TNFRSF11A: variants seen among roughly 807,000 people sequenced by gnomAD.
The protein encoded by TNFRSF11A is TNF receptor superfamily member 11a.
TNFRSF11A carries 32 observed loss-of-function variants against 55.7 expected under a neutral mutation model. That is an observed-to-expected ratio of 0.57 (90% CI 0.43 to 0.77). The LOEUF (loss-of-function observed/expected upper bound fraction) is 0.77, where lower values mean the gene tolerates loss of function less well. TNFRSF11A is among the 30% of genes least tolerant of loss of function. The pLI is 0.00. For missense variants in TNFRSF11A, 753 were observed against 809.8 expected (o/e 0.93, Z 0.85); for synonymous variants, 311 against 331.0 (o/e 0.94, Z 0.65).
chr18:62,369,530 C>T, intron 9 of TNFRSF11A, 46 bp downstream of exon 9: 1 of 1,596,440 alleles, frequency 6.3e-7, no homozygotes, highest in South Asian at 1.1e-5. Context: ...AGGGCCAGTT[C>T]TTGGTACAGG....
Position 62,359,945 on chromosome 18 carries a change from T to G in TNFRSF11A, c.522-10T>G. The G allele has an allele frequency of 1.2e-6, 2 of 1,612,640 alleles. No individual in the cohort carries two copies. The highest frequency in any genetic ancestry group is 1.7e-6 in the Non-Finnish European group (2 of 1,178,790). On this transcript the variant is annotated splice_polypyrimidine_tract_variant and intron_variant, in intron 5 of 9. Transcript: ENST00000586569. ...AAAACCAAAGCACTGAACCACCTTTTCCCCCACAGCTGTACCTTCCTTGGA... is the reference window on the plus strand; with the variant it reads ...AAAACCAAAGCACTGAACCACCTTTGCCCCCACAGCTGTACCTTCCTTGGA...
chr18:62,348,352 GT>G (rs2046416166), intron 2 of TNFRSF11A, 103 bp downstream of exon 2: 1 of 967,934 alleles, frequency 1.0e-6, no homozygotes, highest in Admixed American at 2.0e-5. Flanking sequence ...GGATAGACGC[GT>G]TATGGTAGTG....
chr18:62,358,017 C>A lies in TNFRSF11A; in HGVS notation c.428-231C>A, dbSNP rs1011533147. On this transcript the variant is annotated intron_variant, in intron 4 of 9. Transcript: ENST00000586569. ...GCCTGACATCAAGTCAGTTACCTTT[C>A]TGAGCGTGGTTCCATAACTCACTGC... is the stretch of plus-strand genomic sequence containing the variant. The A allele has an allele frequency of 2.1e-5, 11 of 535,320 alleles. 1 individual carries two copies. In the East Asian group the frequency reaches 3.6e-4, roughly 17 times the overall value. 33.2% of individuals were successfully genotyped at this position (535,320 alleles called of 1,614,324 possible).
At chr18:62,379,478 A>G (rs1911117373) in intron 9 of TNFRSF11A, among the ~76,000 whole-genome samples, 1 of 152,182 alleles carries the variant, frequency 6.6e-6, no homozygotes, top group African/African-American at 2.4e-5. Context: ...GAGTTTGATA[A>G]TCATGATTAT....
At chr18:62,330,371 C>G (rs1287791277) in intron 1 of TNFRSF11A, among the ~76,000 whole-genome samples, 2 of 152,178 alleles carry the variant, frequency 1.3e-5, no homozygotes, top group Admixed American at 6.5e-5. Flanking sequence ...AGCTCTTAGG[C>G]TGGGGGTTCC....
chr18:62,385,310 T>A lies in TNFRSF11A; in HGVS notation c.*276T>A. On this transcript the variant is annotated 3_prime_UTR_variant, in exon 10 of 10. Transcript: ENST00000586569. ...AACTCGCAGCAGTAATTTGTGGCAC[T>A]ATGACAGCTATTTTTATGACTATCC... 4 of 285,584 alleles carry A rather than the reference T, an allele frequency of 1.4e-5. No homozygotes were observed. The highest frequency in any genetic ancestry group is 1.9e-5 in the Non-Finnish European group (3 of 158,066). The allele number at this position is 285,584 out of a possible 1,614,324, so 17.7% of individuals were successfully genotyped here.
intron 2 of TNFRSF11A, 82 bp downstream of exon 2, chr18:62,348,331 A>G: frequency 1.5e-6 from 2 of 1,314,996 alleles, no homozygotes; most frequent in Non-Finnish European, 2.2e-6. Context: ...GCCAGATGAA[A>G]AAAAGAAATT....
At chr18:62,365,536 A>G (rs1357592349) in intron 7 of TNFRSF11A, among the ~76,000 whole-genome samples, 2 of 152,172 alleles carry the variant, frequency 1.3e-5, no homozygotes, top group Non-Finnish European at 2.9e-5. Context: ...TCACTTTTAT[A>G]GTACATTCAA....
chr18:62,354,026 G>A (rs1381672497), intron 3 of TNFRSF11A, among the ~76,000 whole-genome samples: 2 of 152,134 alleles, frequency 1.3e-5, no homozygotes, highest in Non-Finnish European at 2.9e-5. Context: ...TTATACATAT[G>A]GCATTTGAAT....
At chr18:62,378,601 ACT>A (rs1213674462) in intron 9 of TNFRSF11A, among the ~76,000 whole-genome samples, 11 of 151,778 alleles carry the variant, frequency 7.2e-5, no homozygotes, top group Admixed American at 3.3e-4. Context: ...CCTGTGACTG[ACT>A]CTTTGCTATT....
intron 1 of TNFRSF11A, among the ~76,000 whole-genome samples, chr18:62,340,552 T>C (rs2046297511): frequency 6.6e-6 from 1 of 152,154 alleles, no homozygotes; most frequent in Non-Finnish European, 1.5e-5. Context: ...CTTCATGATC[T>C]TCTCCAATAA....
rs2046153615 is a variant in TNFRSF11A at position 62,331,518 on chromosome 18, A to G, written c.75+6091A>G. ...CCCCGTGGCATTGTGCTGTGCAGGG[A>G]ACTTGCAGGCTCTGACATCTAGAGA... is the stretch of plus-strand genomic sequence containing the variant. On this transcript the variant is annotated intron_variant, in intron 1 of 9. Coordinates refer to ENST00000586569, the MANE Select transcript of TNFRSF11A (RefSeq NM_003839.4). Among the ~76,000 whole-genome samples, 5 of 152,268 alleles carry G rather than the reference A, an allele frequency of 3.3e-5. No homozygotes were observed. The South Asian group carries it at 1.0e-3, about 32-fold the overall frequency.
chr18:62,349,576 G>A (rs2046434654), intron 2 of TNFRSF11A, among the ~76,000 whole-genome samples: 1 of 152,196 alleles, frequency 6.6e-6, no homozygotes. Context: ...AGGCTCAGCG[G>A]ACCCAGGTGG....
chr18:62,378,341 T>A (rs1273197801), intron 9 of TNFRSF11A, among the ~76,000 whole-genome samples: 2 of 152,222 alleles, frequency 1.3e-5, no homozygotes, highest in Non-Finnish European at 2.9e-5. Flanking sequence ...TGGGGTTTAA[T>A]GTAGAATTAT....
rs1268342469 is a variant in TNFRSF11A, at chr18:62,369,437, C to T, written c.1520C>T (p.Ala507Val). The T allele has an allele frequency of 1.2e-6, 2 of 1,610,552 alleles. No individual in the cohort carries two copies. Among genetic ancestry groups the T allele is most frequent in the Admixed American group, 1.7e-5 (1 of 60,024 alleles). Residue 507 changes from alanine (A) to valine (V), a missense_variant, in exon 9 of 10, where the codon GCA becomes GTA. By Grantham distance (64) the Ala-to-Val change is moderately conservative (BLOSUM62 0). Around this residue, in one of 3 missense-constraint regions of TNFRSF11A, gnomAD observed 567 missense variants for 596.7 expected, o/e 0.95. Coordinates refer to ENST00000586569, the MANE Select transcript of TNFRSF11A (RefSeq NM_003839.4). The part of the protein sequence containing the change: ...ADGRLPSSAR[A>V]GAGSGSSPGG... ...GGGAGGCTCCCAAGCTCAGCGAGGGCAGGTGCCGGGTCTGGAAGCTCCCCT... is the reference window on the plus strand; with the variant it reads ...GGGAGGCTCCCAAGCTCAGCGAGGGTAGGTGCCGGGTCTGGAAGCTCCCCT...
intron 1 of TNFRSF11A, among the ~76,000 whole-genome samples, chr18:62,328,270 C>T (rs941269316): frequency 1.3e-5 from 2 of 151,878 alleles, no homozygotes; most frequent in African/African-American, 2.4e-5. Context: ...CTAAGGACTT[C>T]GGGATGAAGG....
Position 62,360,110 on chromosome 18 carries a change from A to T in TNFRSF11A, c.616+61A>T, listed in dbSNP as rs572498609. 2.6e-4 allele frequency: 366 copies of T among 1,417,690 alleles called. 4 individuals are homozygous for T. In the South Asian group the frequency reaches 3.5e-3, roughly 14 times the overall value. 87.8% of individuals were successfully genotyped at this position (1,417,690 alleles called of 1,614,324 possible). A position where few individuals can be genotyped will look rare whatever the true frequency, so the allele number is the denominator to read the frequency against. On this transcript the variant is annotated intron_variant, in intron 6 of 9. Transcript: ENST00000586569. ...GCCCCAGGGTGGTCAGCTGGTTTAGATCCCTCCCAGATGGCACGTGGATTT... is the reference window on the plus strand; with the variant it reads ...GCCCCAGGGTGGTCAGCTGGTTTAGTTCCCTCCCAGATGGCACGTGGATTT...
At chr18:62,354,796 G>A (rs574386393) in intron 4 of TNFRSF11A, among the ~76,000 whole-genome samples, 69 of 152,286 alleles carry the variant, frequency 4.5e-4, no homozygotes, top group African/African-American at 1.6e-3. Context: ...GGTTGCTGGG[G>A]CTCCTCCATC....
chr18:62,341,581 A>G (rs911167953), intron 1 of TNFRSF11A, among the ~76,000 whole-genome samples: 9 of 152,206 alleles, frequency 5.9e-5, no homozygotes, highest in African/African-American at 2.2e-4. Context: ...GTGCCCGTGA[A>G]TATCCCTCCT....
Sources: allele counts gnomAD v4.1 joint callset (sites outside exome capture counted in the v4.1 genomes callset), GRCh38; gene constraint gnomAD v4.1.1; regional missense constraint gnomAD v4.1.1; transcripts MANE v1.5; gene names NCBI Gene and HGNC (gene_info 2026-07-23, HGNC 2026-07-21).